PDE11A: variants seen among roughly 807,000 people sequenced by gnomAD.
PDE11A encodes the protein phosphodiesterase 11A.
PDE11A carries 100 observed loss-of-function variants against 100.5 expected under a neutral mutation model. The observed-to-expected ratio is 1.00, with a 90% CI of 0.85 to 1.18. The LOEUF (loss-of-function observed/expected upper bound fraction) is 1.18. Ranked by LOEUF, PDE11A falls within the 50% of genes most tolerant of loss-of-function variation. The probability of loss-of-function intolerance (pLI) is 0.00; values close to 1 mark genes in which losing one functional copy is unlikely to be tolerated. For synonymous variants in PDE11A, 381 were observed against 420.8 expected (o/e 0.91, Z 1.16); for missense variants, 1,141 against 1,152.6 (o/e 0.99, Z 0.15).
chr2:177,668,617 G>A lies in PDE11A; in HGVS notation c.2562+876C>T, dbSNP rs966552090. On this transcript the variant is annotated intron_variant, in intron 18 of 19. Transcript: ENST00000286063. ...AAGCAGATGAAACTATTCAAACTAG[G>A]AGCTAGTTCTCTTGCTTTTCCTTGT... 3.3e-5 allele frequency among the ~76,000 whole-genome samples: 5 copies of A among 152,170 alleles called. No homozygotes were observed. In the South Asian group the frequency reaches 6.2e-4, roughly 19 times the overall value.
At chr2:177,837,170 G>T (rs2083416077) in intron 6 of PDE11A, among the ~76,000 whole-genome samples, 1 of 152,168 alleles carries the variant, frequency 6.6e-6, no homozygotes, top group South Asian at 2.1e-4. Context: ...TTTGATTAAT[G>T]AAAAAGGATT....
chr2:177,722,029 C>T (rs2081536307), intron 12 of PDE11A, among the ~76,000 whole-genome samples: 2 of 152,156 alleles, frequency 1.3e-5, no homozygotes, highest in African/African-American at 4.8e-5. Flanking sequence ...CATGGCTCTG[C>T]TGCTGGGTCT....
In PDE11A at chr2:177,721,109, T is replaced by G. The variant is rs1460111054; in HGVS notation, c.2043+6549A>C. Reference sequence around the variant, plus strand: ...TACATTTATAACCACTTCTAAGGCTTAATTTTTAACCTGTTTATTAGCATA... The same window carrying G: ...TACATTTATAACCACTTCTAAGGCTGAATTTTTAACCTGTTTATTAGCATA... On this transcript the variant is annotated intron_variant, in intron 12 of 19. Coordinates refer to ENST00000286063, the MANE Select transcript of PDE11A (RefSeq NM_016953.4). Among the ~76,000 whole-genome samples the G allele has an allele frequency of 2.0e-5, 3 of 152,278 alleles. No individual in the cohort carries two copies. In the South Asian group the frequency reaches 6.2e-4, roughly 32 times the overall value.
At position 177,705,340 on chromosome 2, in the gene PDE11A, C is replaced by T. The variant is rs142088553; in HGVS notation, c.2154-4129G>A. On this transcript the variant is annotated intron_variant, in intron 13 of 19. Coordinates refer to ENST00000286063, the MANE Select transcript of PDE11A (RefSeq NM_016953.4). ...CCATCATATAAGTGTCTTTGGGGCA[C>T]ACATCCTTTAGTTGTGAAAATATGA... is the stretch of plus-strand genomic sequence containing the variant. Among the ~76,000 whole-genome samples, 495 of 152,202 alleles carry T rather than the reference C, an allele frequency of 3.3e-3. 4 individuals are homozygous for T. The East Asian group carries it at 0.043, about 13-fold the overall frequency.
intron 2 of PDE11A, among the ~76,000 whole-genome samples, chr2:178,090,879 T>C (rs979047098): frequency 1.3e-5 from 2 of 152,152 alleles, no homozygotes; most frequent in African/African-American, 2.4e-5. Context: ...ACAGGCACTC[T>C]TTCCTACACA....
chr2:177,820,142 A>T, intron 7 of PDE11A, 78 bp downstream of exon 7: 1 of 794,580 alleles, frequency 1.3e-6, no homozygotes, highest in South Asian at 1.4e-5. Flanking sequence ...GGGAACACAT[A>T]AAAAAGATAT....
chr2:177,907,742 G>T (rs1037448035), intron 2 of PDE11A, among the ~76,000 whole-genome samples: 1 of 152,146 alleles, frequency 6.6e-6, no homozygotes, highest in Admixed American at 6.5e-5. Context: ...GTATAATAAA[G>T]ACAATATCTC....
At chr2:177,801,465 TA>T (rs1315797185) in intron 9 of PDE11A, among the ~76,000 whole-genome samples, 2 of 152,164 alleles carry the variant, frequency 1.3e-5, no homozygotes, top group Non-Finnish European at 2.9e-5. Flanking sequence ...CAGAGATGGT[TA>T]AAATGTGGAA....
At chr2:177,749,071 C>T (rs1366832118) in intron 10 of PDE11A, among the ~76,000 whole-genome samples, 1 of 152,160 alleles carries the variant, frequency 6.6e-6, no homozygotes, top group Non-Finnish European at 1.5e-5. Context: ...AAGCCATTTT[C>T]TTTAAGCCAA....
At chr2:177,870,764 C>A (rs1045910608) in intron 5 of PDE11A, among the ~76,000 whole-genome samples, 5 of 151,912 alleles carry the variant, frequency 3.3e-5, no homozygotes, top group Non-Finnish European at 5.9e-5. Context: ...AGGAAAAAAA[C>A]GGGATAATTC....
chr2:177,737,432 T>C (rs7607438), intron 10 of PDE11A, among the ~76,000 whole-genome samples: 88,758 of 133,228 alleles, frequency 0.67, 32,043 homozygotes, highest in East Asian at 0.84. Flanking sequence ...CACACACACA[T>C]ACACACACAC....
intron 12 of PDE11A, among the ~76,000 whole-genome samples, chr2:177,726,613 T>A (rs1470571890): frequency 1.3e-5 from 2 of 150,898 alleles, no homozygotes; most frequent in African/African-American, 4.9e-5. Context: ...ACTAGATGAA[T>A]GCCTTAAAGG....
chr2:177,997,033 G>A (rs1442650825), intron 2 of PDE11A, among the ~76,000 whole-genome samples: 1 of 152,120 alleles, frequency 6.6e-6, no homozygotes, highest in Non-Finnish European at 1.5e-5. Context: ...TACAACCATG[G>A]TCTGTTACAA....
intron 15 of PDE11A, among the ~76,000 whole-genome samples, chr2:177,694,750 A>G (rs763137123): frequency 5.9e-5 from 9 of 152,216 alleles, no homozygotes; most frequent in Non-Finnish European, 1.2e-4. Flanking sequence ...AATGAAATAT[A>G]GCAGTGTTTT....
At chr2:177,692,214 T>C (rs1345113742) in intron 15 of PDE11A, among the ~76,000 whole-genome samples, 6 of 152,214 alleles carry the variant, frequency 3.9e-5, no homozygotes, top group Non-Finnish European at 5.9e-5. Flanking sequence ...TTTTTATTAC[T>C]AATAGTGGAA....
At chr2:177,647,139 T>C (rs971694398) in intron 19 of PDE11A, among the ~76,000 whole-genome samples, 1 of 152,218 alleles carries the variant, frequency 6.6e-6, no homozygotes, top group African/African-American at 2.4e-5. Context: ...CCATTTTCCA[T>C]ATACTGGAAT....
intron 2 of PDE11A, among the ~76,000 whole-genome samples, chr2:177,983,331 A>G (rs2085905110): frequency 6.6e-6 from 1 of 152,172 alleles, no homozygotes; most frequent in Non-Finnish European, 1.5e-5. Context: ...ATTCAGCCCC[A>G]TTGAGGACCT....
At chr2:178,055,175 G>T (rs4893846) in intron 1 of PDE11A, among the ~76,000 whole-genome samples, 25 of 151,860 alleles carry the variant, frequency 1.6e-4, no homozygotes, top group African/African-American at 5.1e-4. Flanking sequence ...CCATAAAAAA[G>T]GATGAGTTCA....
intron 2 of PDE11A, among the ~76,000 whole-genome samples, chr2:177,933,995 G>T (rs1484671078): frequency 1.3e-5 from 2 of 152,140 alleles, no homozygotes; most frequent in Non-Finnish European, 2.9e-5. Flanking sequence ...ATGGATTAAA[G>T]ATTTAAATGT....
Sources: gnomAD v4.1 joint callset for allele counts (sites outside exome capture counted in the v4.1 genomes callset) on GRCh38, gnomAD v4.1.1 for gene constraint, MANE v1.5 for transcripts, NCBI Gene and HGNC (gene_info 2026-07-23, HGNC 2026-07-21) for gene names.